The following TTLL5 variants were observed in gnomAD, a reference collection of about 807,000 sequenced individuals.
TTLL5 encodes tubulin tyrosine ligase like 5.
TTLL5 carries 132 observed loss-of-function variants against 168.4 expected under a neutral mutation model. The ratio of observed to expected loss-of-function variants is 0.78; its 90% CI spans 0.68 to 0.91. The LOEUF (loss-of-function observed/expected upper bound fraction) is 0.91. TTLL5 is among the 40% of genes least tolerant of loss of function. The probability of loss-of-function intolerance (pLI) is 0.00; values close to 1 mark genes in which losing one functional copy is unlikely to be tolerated. For synonymous variants in TTLL5, 546 were observed against 558.6 expected (o/e 0.98, Z 0.32); for missense variants, 1,545 against 1,581.5 (o/e 0.98, Z 0.39).
chr14:75,828,942 T>C (rs1895395068), intron 28 of TTLL5, among the ~76,000 whole-genome samples: 1 of 152,224 alleles, frequency 6.6e-6, no homozygotes, highest in African/African-American at 2.4e-5. Context: ...GTAAAATTAC[T>C]GAATATCTCC....
intron 15 of TTLL5, among the ~76,000 whole-genome samples, chr14:75,744,157 C>T (rs983009206): frequency 6.6e-6 from 1 of 152,160 alleles, no homozygotes; most frequent in Admixed American, 6.5e-5. Context: ...GGCTGCTGCT[C>T]TCTGGTTGAA....
rs955752799 is a variant in TTLL5, at chr14:75,776,680, G to A, written c.2284-67G>A. On this transcript the variant is annotated intron_variant, in intron 22 of 31. Transcript: ENST00000298832. Reference sequence around the variant, plus strand: ...CTCAAGGCTATTGAAACTACATGATGAAGTGCATATTTATTAGGAGTCAGT... The same window carrying A: ...CTCAAGGCTATTGAAACTACATGATAAAGTGCATATTTATTAGGAGTCAGT... 4 of 1,131,344 alleles carry A rather than the reference G, an allele frequency of 3.5e-6. No homozygotes were observed. The Admixed American group carries it at 5.9e-5, about 17-fold the overall frequency. 70.1% of individuals were successfully genotyped at this position (1,131,344 alleles called of 1,614,324 possible).
chr14:75,689,688 T>C (rs1262218283), intron 5 of TTLL5: 1 of 158,562 alleles, frequency 6.3e-6, no homozygotes, highest in African/African-American at 2.4e-5. Flanking sequence ...GCAACAATGA[T>C]ACATTTCAAA....
At chr14:75,888,661 C>T (rs1323336849) in intron 30 of TTLL5, among the ~76,000 whole-genome samples, 1 of 152,094 alleles carries the variant, frequency 6.6e-6, no homozygotes, top group East Asian at 1.9e-4. Flanking sequence ...TCAGGCTGGG[C>T]ATGGTGGCTC....
chr14:75,859,865 C>T (rs1257692052), intron 28 of TTLL5, among the ~76,000 whole-genome samples: 1 of 152,180 alleles, frequency 6.6e-6, no homozygotes, highest in Non-Finnish European at 1.5e-5. Context: ...TACTGCAAAC[C>T]CCAAGGCTTG....
intron 7 of TTLL5, among the ~76,000 whole-genome samples, chr14:75,700,228 C>G (rs998111041): frequency 6.6e-6 from 1 of 152,186 alleles, no homozygotes; most frequent in African/African-American, 2.4e-5. Context: ...GTCAGGTGAT[C>G]ATCAGGTGAT....
intron 9 of TTLL5, chr14:75,711,941 C>G (rs1336581029): frequency 6.6e-6 from 1 of 152,352 alleles, no homozygotes; most frequent in Non-Finnish European, 1.5e-5. Flanking sequence ...GAATCTGCCA[C>G]AGCAGCAAGT....
intron 31 of TTLL5, among the ~76,000 whole-genome samples, chr14:75,940,887 A>C (rs1033339677): frequency 1.3e-5 from 2 of 152,162 alleles, no homozygotes; most frequent in African/African-American, 4.8e-5. Context: ...AGTTATGTGC[A>C]TTTTTCTTAG....
intron 30 of TTLL5, among the ~76,000 whole-genome samples, chr14:75,899,843 C>G (rs994311260): frequency 1.3e-5 from 2 of 152,034 alleles, no homozygotes; most frequent in Non-Finnish European, 2.9e-5. Flanking sequence ...TTCATTGAGT[C>G]TAAGCCCCCA....
At chr14:75,706,261 G>T (rs1465310082) in intron 7 of TTLL5, among the ~76,000 whole-genome samples, 2 of 152,128 alleles carry the variant, frequency 1.3e-5, no homozygotes, top group African/African-American at 4.8e-5. Context: ...ATGCTGCTTT[G>T]TGTTCTTTTA....
chr14:75,867,504 G>C (rs1444767826), intron 29 of TTLL5, among the ~76,000 whole-genome samples: 1 of 151,636 alleles, frequency 6.6e-6, no homozygotes, highest in Non-Finnish European at 1.5e-5. Context: ...GCTTATGCCT[G>C]TAATCCCAGC....
intron 31 of TTLL5, among the ~76,000 whole-genome samples, chr14:75,937,500 A>G (rs1043452055): frequency 6.6e-6 from 1 of 151,946 alleles, no homozygotes; most frequent in Non-Finnish European, 1.5e-5. Context: ...TTAGCTCTGT[A>G]CCCATTAAAC....
chr14:75,804,182 GA>G (rs59585511), intron 27 of TTLL5, among the ~76,000 whole-genome samples: 8 of 149,930 alleles, frequency 5.3e-5, no homozygotes, highest in East Asian at 2.0e-4. Context: ...TGGAGAGTGG[GA>G]AAAAAAAAAT....
At chr14:75,811,141 GGGAA>G (rs1893972550) in intron 27 of TTLL5, among the ~76,000 whole-genome samples, 3 of 143,550 alleles carry the variant, frequency 2.1e-5, no homozygotes, top group Non-Finnish European at 4.6e-5. Flanking sequence ...GGGAAAGAGA[GGGAA>G]TGAAAGAAAG....
At chr14:75,809,631 C>T (rs369012534) in intron 27 of TTLL5, among the ~76,000 whole-genome samples, 3 of 152,286 alleles carry the variant, frequency 2.0e-5, no homozygotes, top group Non-Finnish European at 1.5e-5. Flanking sequence ...TTGTTAACTG[C>T]AATTTTCCTA....
chr14:75,892,925 A>C (rs1019823688), intron 30 of TTLL5, among the ~76,000 whole-genome samples: 3 of 152,136 alleles, frequency 2.0e-5, no homozygotes, highest in Non-Finnish European at 4.4e-5. Context: ...GAAGGCAACT[A>C]TATAATCTTC....
intron 26 of TTLL5, among the ~76,000 whole-genome samples, chr14:75,789,566 T>C (rs1234442325): frequency 6.6e-6 from 1 of 152,110 alleles, no homozygotes; most frequent in Non-Finnish European, 1.5e-5. Context: ...TTCAGTACAG[T>C]CACACTTTTG....
intron 28 of TTLL5, among the ~76,000 whole-genome samples, chr14:75,823,616 T>G (rs1208701962): frequency 6.6e-6 from 1 of 152,176 alleles, no homozygotes; most frequent in East Asian, 1.9e-4. Context: ...ATTGAATTAT[T>G]TTTATCCACC....
At chr14:75,939,707 C>G (rs2034540053) in intron 31 of TTLL5, among the ~76,000 whole-genome samples, 1 of 152,038 alleles carries the variant, frequency 6.6e-6, no homozygotes, top group African/African-American at 2.4e-5. Context: ...TACTTCTCAC[C>G]TTCTTTAGGT....
Sources: allele counts gnomAD v4.1 joint callset (sites outside exome capture counted in the v4.1 genomes callset), GRCh38; gene constraint gnomAD v4.1.1; transcripts MANE v1.5; gene names NCBI Gene and HGNC (gene_info 2026-07-23, HGNC 2026-07-21).